Variants in KDM2B observed in about 807,000 individuals in gnomAD.
KDM2B encodes lysine demethylase 2B, also known as lysine-specific demethylase 2B.
In KDM2B, 26 loss-of-function variants were observed where a neutral mutation model predicts 150.0. The observed-to-expected ratio is 0.17, with a 90% CI of 0.13 to 0.24. KDM2B has a LOEUF of 0.24. KDM2B is among the 10% of genes least tolerant of loss of function. The probability of loss-of-function intolerance (pLI) is 1.00; values close to 1 mark genes in which losing one functional copy is unlikely to be tolerated. For missense variants in KDM2B, 1,265 were observed against 1,816.9 expected (o/e 0.70, Z 5.52); for synonymous variants, 734 against 729.5 (o/e 1.01, Z -0.10).
chr12:121,579,767 C>T (rs1336936200), intron 1 of KDM2B: 2 of 1,381,752 alleles, frequency 1.4e-6, no homozygotes, highest in African/African-American at 1.4e-5. Context: ...GCCCGCTCAG[C>T]CCCCCTCCAC....
rs782524220 is a variant in KDM2B, at chr12:121,429,994, T to A, written c.*294A>T. 2 of 865,354 alleles carry A rather than the reference T, an allele frequency of 2.3e-6. No individual in the cohort carries two copies. 53.6% of individuals were successfully genotyped at this position (865,354 alleles called of 1,614,324 possible). On this transcript the variant is annotated 3_prime_UTR_variant, in exon 23 of 23. Coordinates refer to ENST00000377071, the MANE Select transcript of KDM2B (RefSeq NM_032590.5). ...AAACTCCTAAGCTCATGCTTCAGTATGAGAATTTCTCCGAAGTCCACCCTC... is the reference window on the plus strand; with the variant it reads ...AAACTCCTAAGCTCATGCTTCAGTAAGAGAATTTCTCCGAAGTCCACCCTC...
chr12:121,442,025 C>T lies in KDM2B; in HGVS notation c.3284+132G>A. 1.4e-6 allele frequency: 1 copy of T among 732,676 alleles called. No homozygotes were observed. 45.4% of individuals were successfully genotyped at this position (732,676 alleles called of 1,614,324 possible). On this transcript the variant is annotated intron_variant, in intron 19 of 22. Coordinates refer to ENST00000377071, the MANE Select transcript of KDM2B (RefSeq NM_032590.5). This position sits in a 1 kb window ranked among gnomAD's most constrained non-coding sequence, Gnocchi z 7.7. ...GAGGGGCCGCTGTAGCCAGCTGGAACGCTTTGCGGAGCACAATGAAGCCAT... is the reference window on the plus strand; with the variant it reads ...GAGGGGCCGCTGTAGCCAGCTGGAATGCTTTGCGGAGCACAATGAAGCCAT...
intron 6 of KDM2B, among the ~76,000 whole-genome samples, chr12:121,538,142 C>T (rs1888310604): frequency 6.6e-6 from 1 of 151,934 alleles, no homozygotes; most frequent in Non-Finnish European, 1.5e-5. Context: ...AACTGAACAC[C>T]CGCGGCGCGG....
chr12:121,497,825 C>T (rs1436286844), intron 11 of KDM2B, among the ~76,000 whole-genome samples: 2 of 151,508 alleles, frequency 1.3e-5, no homozygotes, highest in Non-Finnish European at 2.9e-5. Flanking sequence ...TGGCCAGTTG[C>T]GGTGGCTCAC....
intron 6 of KDM2B, among the ~76,000 whole-genome samples, chr12:121,545,512 G>A (rs1367650482): frequency 1.3e-5 from 2 of 152,050 alleles, no homozygotes; most frequent in Non-Finnish European, 2.9e-5. Flanking sequence ...AGAATATGCT[G>A]AGTATCTCAG....
chr12:121,509,558 C>G lies in KDM2B; in HGVS notation c.1647+9G>C. On this transcript the variant is annotated intron_variant, in intron 11 of 22. Transcript: ENST00000377071. ...CGGCCGCCCAGCCCCAGACGCCACTCCTGCCCACCTTCACACCCTCCAGGA... is the reference window on the plus strand; with the variant it reads ...CGGCCGCCCAGCCCCAGACGCCACTGCTGCCCACCTTCACACCCTCCAGGA... 1 of 1,611,224 alleles carries G rather than the reference C, an allele frequency of 6.2e-7. No individual in the cohort carries two copies.
In KDM2B at chr12:121,451,905, C is replaced by A. The variant is rs28592738; in HGVS notation, c.1959+1215G>T. ...CCAGCCTGGGCAACAGAGCAAGACTCCATCTCAGAAAAAAAAAAGAAAATT... is the reference window on the plus strand; with the variant it reads ...CCAGCCTGGGCAACAGAGCAAGACTACATCTCAGAAAAAAAAAAGAAAATT... On this transcript the variant is annotated intron_variant, in intron 13 of 22. Coordinates refer to ENST00000377071, the MANE Select transcript of KDM2B (RefSeq NM_032590.5). Among the ~76,000 whole-genome samples the A allele has an allele frequency of 5.8e-3, 879 of 151,708 alleles. 25 individuals carry two copies. Among genetic ancestry groups the A allele is most frequent in the Admixed American group, 0.047 (718 of 15,228 alleles).
intron 15 of KDM2B, 33 bp downstream of exon 15, chr12:121,444,417 G>A (rs368477598): frequency 1.2e-5 from 20 of 1,612,516 alleles, no homozygotes; most frequent in African/African-American, 2.7e-5. Flanking sequence ...CCCCTCTCCC[G>A]ACTGACCCTG....
intron 8 of KDM2B, among the ~76,000 whole-genome samples, chr12:121,522,912 G>A (rs782029458): frequency 7.9e-5 from 12 of 152,216 alleles, no homozygotes; most frequent in Admixed American, 3.9e-4. Flanking sequence ...TTTTGAGCCC[G>A]GGAAGTCGGG....
chr12:121,575,691 G>A lies in KDM2B; in HGVS notation c.350+90C>T. ...AAAAGATCCTTCTCAGTGATGAGAG[G>A]TGGGAAGAGGGTGGAAGAAATCCAT... On this transcript the variant is annotated intron_variant, in intron 3 of 22. Coordinates refer to ENST00000377071, the MANE Select transcript of KDM2B (RefSeq NM_032590.5). The surrounding 1 kb of genome is among the most constrained non-coding windows in gnomAD (Gnocchi z 4.4). 6 of 921,748 alleles carry A rather than the reference G, an allele frequency of 6.5e-6. No individual in the cohort carries two copies. Among genetic ancestry groups the A allele is most frequent in the Non-Finnish European group, 1.1e-5 (6 of 552,364 alleles). The allele number at this position is 921,748 out of a possible 1,614,324, so 57.1% of individuals were successfully genotyped here. A position where few individuals can be genotyped will look rare whatever the true frequency, so the allele number is the denominator to read the frequency against.
chr12:121,438,702 CCAGA>C (rs1202876045), intron 22 of KDM2B, among the ~76,000 whole-genome samples: 1 of 152,100 alleles, frequency 6.6e-6, no homozygotes, highest in Non-Finnish European at 1.5e-5. Flanking sequence ...GGCATGGTTG[CCAGA>C]CAGTTTATCA....
rs1165018600 is a variant in KDM2B, at chr12:121,537,099, C to A, written c.684-2509G>T. On this transcript the variant is annotated intron_variant, in intron 6 of 22. Transcript: ENST00000377071. This position sits in a 1 kb window ranked among gnomAD's most constrained non-coding sequence, Gnocchi z 8.7. The stretch of plus-strand genomic sequence containing the variant: ...CCTGCCTCTCCCGGAGAGGCCCCTC[C>A]TCCCGGTGTCCCTCATTTCCTGGCC... Among the ~76,000 whole-genome samples, 2 of 152,154 alleles carry A rather than the reference C, an allele frequency of 1.3e-5. No individual in the cohort carries two copies. The highest frequency in any genetic ancestry group is 2.9e-5 in the Non-Finnish European group (2 of 68,024).
intron 12 of KDM2B, among the ~76,000 whole-genome samples, chr12:121,466,033 G>A (rs576782399): frequency 1.3e-5 from 2 of 151,576 alleles, no homozygotes; most frequent in East Asian, 3.9e-4. Flanking sequence ...ACAAAGCTGA[G>A]AAAATAAAAA....
Position 121,549,849 on chromosome 12 carries a change from C to A in KDM2B, c.398-211G>T, listed in dbSNP as rs879959475. On this transcript the variant is annotated intron_variant, in intron 4 of 22. Transcript: ENST00000377071. This position sits in a 1 kb window ranked among gnomAD's most constrained non-coding sequence, Gnocchi z 4.4. ...CTTCCCTGCACCACCATGGCCTCCA[C>A]GCCAGTCTGCGATGACCTCAAAAGC... 6.6e-6 allele frequency among the ~76,000 whole-genome samples: 1 copy of A among 152,156 alleles called. No individual in the cohort carries two copies. Among genetic ancestry groups the A allele is most frequent in the South Asian group, 2.1e-4 (1 of 4,838 alleles).
At chr12:121,550,599 T>C (rs967911016) in intron 4 of KDM2B, among the ~76,000 whole-genome samples, 1 of 152,324 alleles carries the variant, frequency 6.6e-6, no homozygotes, top group Non-Finnish European at 1.5e-5. Flanking sequence ...GTTCAAGCAA[T>C]TCTCATGCCT....
chr12:121,487,705 C>G (rs538420106), intron 12 of KDM2B, among the ~76,000 whole-genome samples: 50 of 152,144 alleles, frequency 3.3e-4, no homozygotes, highest in African/African-American at 1.1e-3. Context: ...CCCCCAGGGG[C>G]ACATTCTCAG....
At chr12:121,426,702 C>T (rs564301965), downstream of KDM2B, among the ~76,000 whole-genome samples, 169 of 146,084 alleles carry the variant, frequency 1.2e-3, no homozygotes, top group Non-Finnish European at 2.0e-3. Flanking sequence ...CTTGGCTTAT[C>T]GCAACCTCCG....
rs1555291930 is a variant in KDM2B, at chr12:121,452,932, G to A, written c.1959+188C>T. On this transcript the variant is annotated intron_variant, in intron 13 of 22. Coordinates refer to ENST00000377071, the MANE Select transcript of KDM2B (RefSeq NM_032590.5). The surrounding 1 kb of genome is among the most constrained non-coding windows in gnomAD (Gnocchi z 4.4). ...CAAAGTACCTGAGCACCCTGGGAGGGAAGGAGCAGGAGGCCTGAGCCTGCG... is the reference window on the plus strand; with the variant it reads ...CAAAGTACCTGAGCACCCTGGGAGGAAAGGAGCAGGAGGCCTGAGCCTGCG... Among the ~76,000 whole-genome samples the A allele has an allele frequency of 6.6e-6, 1 of 152,202 alleles. No individual in the cohort carries two copies. The highest frequency in any genetic ancestry group is 1.5e-5 in the Non-Finnish European group (1 of 68,030).
chr12:121,574,906 G>A (rs1267958838), intron 3 of KDM2B, among the ~76,000 whole-genome samples: 2 of 152,200 alleles, frequency 1.3e-5, no homozygotes, highest in Non-Finnish European at 2.9e-5. Context: ...AAGGGCCAGA[G>A]CTAGACATTC....
Sources: gnomAD v4.1 joint callset for allele counts (sites outside exome capture counted in the v4.1 genomes callset) on GRCh38, gnomAD v4.1.1 for gene constraint, Gnocchi (gnomAD v3.1) non-coding constraint, MANE v1.5 for transcripts, NCBI Gene and HGNC (gene_info 2026-07-23, HGNC 2026-07-21) for gene names.